Variants in RABGAP1L observed in about 807,000 individuals in gnomAD.
The protein encoded by RABGAP1L is rab GTPase-activating protein 1-like.
A neutral mutation model predicts 137.7 loss-of-function variants in RABGAP1L; 63 were observed. The observed-to-expected ratio is 0.46, with a 90% CI of 0.37 to 0.56. RABGAP1L has a LOEUF of 0.56. Ranked by LOEUF, RABGAP1L falls within the 20% of genes least tolerant of loss-of-function variation. RABGAP1L has a pLI of 0.00. For missense variants in RABGAP1L, 1,095 were observed against 1,244.0 expected (o/e 0.88, Z 1.80); for synonymous variants, 431 against 433.7 (o/e 0.99, Z 0.08).
intron 19 of RABGAP1L, among the ~76,000 whole-genome samples, chr1:174,940,343 A>G (rs1665661571): frequency 6.6e-6 from 1 of 150,582 alleles, no homozygotes; most frequent in African/African-American, 2.4e-5. Flanking sequence ...ATCATAGCTC[A>G]CTGCAACCTC....
intron 13 of RABGAP1L, among the ~76,000 whole-genome samples, chr1:174,489,749 A>G (rs1358050762): frequency 6.6e-6 from 1 of 152,200 alleles, no homozygotes; most frequent in African/African-American, 2.4e-5. Flanking sequence ...TTGCGCCACT[A>G]TTCACAATAG....
At chr1:174,711,590 C>A (rs536832691) in intron 17 of RABGAP1L, among the ~76,000 whole-genome samples, 17 of 152,278 alleles carry the variant, frequency 1.1e-4, no homozygotes, top group Non-Finnish European at 1.9e-4. Flanking sequence ...CTGGCCCACC[C>A]GCACCACGCT....
At chr1:174,206,702 G>C (rs61828578) in intron 1 of RABGAP1L, among the ~76,000 whole-genome samples, 13,603 of 152,204 alleles carry the variant, frequency 0.089, 826 homozygotes, top group East Asian at 0.22. Flanking sequence ...AAGGAAATTA[G>C]ATCACGTGCA....
At chr1:174,756,879 G>A (rs1684810345) in intron 18 of RABGAP1L, 1 of 627,592 alleles carries the variant, frequency 1.6e-6, no homozygotes, top group Non-Finnish European at 2.9e-6. Flanking sequence ...CACTCTCGAA[G>A]GCATCTGAAG....
intron 19 of RABGAP1L, among the ~76,000 whole-genome samples, chr1:174,932,181 G>A (rs941084400): frequency 6.6e-5 from 10 of 150,786 alleles, no homozygotes; most frequent in African/African-American, 1.7e-4. Flanking sequence ...GAAGGAAACC[G>A]CTCCAGGAAG....
intron 11 of RABGAP1L, among the ~76,000 whole-genome samples, chr1:174,347,312 T>G (rs962786091): frequency 6.6e-6 from 1 of 152,118 alleles, no homozygotes; most frequent in Non-Finnish European, 1.5e-5. Flanking sequence ...GAAAGTGGAG[T>G]GTTGAAGTCT....
chr1:174,263,117 G>A (rs767443130), intron 7 of RABGAP1L, among the ~76,000 whole-genome samples: 2 of 152,144 alleles, frequency 1.3e-5, no homozygotes, highest in African/African-American at 4.8e-5. Flanking sequence ...CCCAGGCCTC[G>A]TACCACCCTG....
chr1:174,585,898 A>G (rs1669077683), intron 13 of RABGAP1L, among the ~76,000 whole-genome samples: 1 of 152,222 alleles, frequency 6.6e-6, no homozygotes, highest in Non-Finnish European at 1.5e-5. Flanking sequence ...TATTTATTAA[A>G]GAAGATTCTG....
intron 7 of RABGAP1L, among the ~76,000 whole-genome samples, chr1:174,262,787 C>G (rs1213364341): frequency 3.9e-5 from 6 of 152,260 alleles, no homozygotes; most frequent in Admixed American, 6.5e-5. Context: ...GGCTCCAAAT[C>G]TGTCCTCTTA....
At chr1:174,454,189 G>T (rs1655774495) in intron 13 of RABGAP1L, among the ~76,000 whole-genome samples, 1 of 152,014 alleles carries the variant, frequency 6.6e-6, no homozygotes, top group African/African-American at 2.4e-5. Flanking sequence ...CTTGAACCCG[G>T]GAGGCGGAGG....
chr1:174,951,392 T>C (rs1355134834), intron 19 of RABGAP1L, among the ~76,000 whole-genome samples: 2 of 152,194 alleles, frequency 1.3e-5, no homozygotes, highest in Admixed American at 1.3e-4. Flanking sequence ...ACTTCCCTCA[T>C]GGAGTTGCTG....
intron 13 of RABGAP1L, among the ~76,000 whole-genome samples, chr1:174,614,155 A>G (rs1350251768): frequency 2.0e-5 from 3 of 152,048 alleles, no homozygotes; most frequent in Non-Finnish European, 4.4e-5. Context: ...CCTAGCCTCG[A>G]TGGTCTTTAC....
chr1:174,865,111 C>A (rs1347480167), intron 19 of RABGAP1L, among the ~76,000 whole-genome samples: 3 of 152,016 alleles, frequency 2.0e-5, no homozygotes, highest in African/African-American at 4.8e-5. Context: ...CAGAGTGAGA[C>A]CCTGTCTCAA....
chr1:174,747,871 C>CT (rs5778811), intron 17 of RABGAP1L, among the ~76,000 whole-genome samples: 1,779 of 146,180 alleles, frequency 0.012, 11 homozygotes, highest in Non-Finnish European at 0.014. Context: ...TGCATTTTAT[C>CT]TTTTTTTTTT....
intron 19 of RABGAP1L, among the ~76,000 whole-genome samples, chr1:174,896,195 G>C (rs543212069): frequency 6.6e-6 from 1 of 152,352 alleles, no homozygotes; most frequent in African/African-American, 2.4e-5. Context: ...GATGGCCAGT[G>C]ATGATGAGCA....
intron 19 of RABGAP1L, among the ~76,000 whole-genome samples, chr1:174,912,523 A>T (rs1239760176): frequency 1.3e-5 from 2 of 152,220 alleles, no homozygotes; most frequent in Non-Finnish European, 2.9e-5. Flanking sequence ...AAAGCAAAGT[A>T]TAACCATGTG....
intron 13 of RABGAP1L, among the ~76,000 whole-genome samples, chr1:174,480,184 C>T (rs1211997021): frequency 6.6e-6 from 1 of 151,870 alleles, no homozygotes; most frequent in Non-Finnish European, 1.5e-5. Flanking sequence ...TATATAATTC[C>T]TAATTGATTC....
At chr1:174,588,792 A>G (rs1323754087) in intron 13 of RABGAP1L, among the ~76,000 whole-genome samples, 2 of 152,070 alleles carry the variant, frequency 1.3e-5, no homozygotes, top group African/African-American at 2.4e-5. Flanking sequence ...ATTCTTTTTT[A>G]TGGCTGAATA....
At chr1:174,200,567 T>C (rs1668024518) in intron 1 of RABGAP1L, among the ~76,000 whole-genome samples, 1 of 152,198 alleles carries the variant, frequency 6.6e-6, no homozygotes, top group South Asian at 2.1e-4. Flanking sequence ...TGAAACTGCT[T>C]CCAGAGGTGG....
Sources: allele counts gnomAD v4.1 joint callset (sites outside exome capture counted in the v4.1 genomes callset), GRCh38; gene constraint gnomAD v4.1.1; transcripts MANE v1.5; gene names NCBI Gene and HGNC (gene_info 2026-07-23, HGNC 2026-07-21).